Variants in NANOS3 observed in about 807,000 individuals in gnomAD.
NANOS3 encodes nanos C2HC-type zinc finger 3, also known as nanos homolog 3.
NANOS3 carries 11 observed loss-of-function variants against 13.8 expected under a neutral mutation model. The ratio of observed to expected loss-of-function variants is 0.80; its 90% confidence interval spans 0.50 to 1.32. NANOS3 has a LOEUF of 1.32. NANOS3 is among the 40% of genes most tolerant of loss of function. NANOS3 has a pLI of 0.00. For missense variants in NANOS3, 221 were observed against 263.8 expected (o/e 0.84, Z 1.12); for synonymous variants, 119 against 115.4 (o/e 1.03, Z -0.20).
chr19:13,874,437 G>A (rs769817111), upstream of NANOS3, among the ~76,000 whole-genome samples: 4 of 152,154 alleles, frequency 2.6e-5, no homozygotes, highest in Non-Finnish European at 4.4e-5. Flanking sequence ...TGCACCTCCA[G>A]GATCACTTTG....
Position 13,877,247 on chromosome 19 carries a change from C to T in NANOS3, c.-2C>T, listed in dbSNP as rs761028174. The T allele has an allele frequency of 1.2e-6, 2 of 1,602,782 alleles. No homozygotes were observed. The highest frequency in any genetic ancestry group is 1.7e-5 in the Admixed American group (1 of 59,608). ...CTTCCGCCTGGCACATGCTGCCCAG[C>T]TATGGGGACCTTTGACCTGTGGACA... On this transcript the variant is annotated 5_prime_UTR_variant, in exon 1 of 2. Transcript: ENST00000339133.
At chr19:13,871,586 C>G (rs1976328088) in intron 1 of NANOS3, among the ~76,000 whole-genome samples, 1 of 152,180 alleles carries the variant, frequency 6.6e-6, no homozygotes, top group Non-Finnish European at 1.5e-5. Context: ...CCAAAGCCCT[C>G]AGAGGGAGGA....
Position 13,870,560 on chromosome 19 carries a change from C to CTTT in NANOS3, n.21+5146_21+5148dup, listed in dbSNP as rs34524831. On this transcript the variant is annotated intron_variant and non_coding_transcript_variant, in intron 1 of 2. Coordinates refer to the NANOS3 transcript ENST00000591161. The stretch of plus-strand genomic sequence containing the variant: ...GGGGCAAGGCCCTGGGATAGCGTGG[C>CTTT]TTTTTTTTTTTTTTTTTTTTTTTTT... 5.1e-3 allele frequency among the ~76,000 whole-genome samples: 364 copies of CTTT among 71,644 alleles called. 6 individuals carry two copies. Among genetic ancestry groups the CTTT allele is most frequent in the African/African-American group, 6.9e-3 (107 of 15,426 alleles). The allele number at this position is 71,644 out of a possible 152,430, so 47.0% of individuals were successfully genotyped here.
intron 1 of NANOS3, 117 bp downstream of exon 1, chr19:13,877,882 C>T: frequency 1.4e-6 from 2 of 1,423,750 alleles, no homozygotes; most frequent in Non-Finnish European, 1.8e-6. Context: ...TTAGAGAGAG[C>T]TTAGAACAGC....
chr19:13,864,624 G>T (rs1314130283), upstream of NANOS3, among the ~76,000 whole-genome samples: 1 of 152,088 alleles, frequency 6.6e-6, no homozygotes, highest in Admixed American at 6.6e-5. Context: ...TACTGTGTGT[G>T]TATGTTGGGG....
chr19:13,871,423 A>T (rs1231371132), intron 1 of NANOS3, among the ~76,000 whole-genome samples: 2 of 152,176 alleles, frequency 1.3e-5, no homozygotes, highest in Admixed American at 6.5e-5. Flanking sequence ...GGCAAAGAAG[A>T]GAGATAGTCA....
At chr19:13,867,849 G>GT (rs1219520567) in intron 1 of NANOS3, among the ~76,000 whole-genome samples, 15 of 152,034 alleles carry the variant, frequency 9.9e-5, no homozygotes, top group Non-Finnish European at 4.4e-5. Flanking sequence ...CACGAACCCA[G>GT]TGGCCATATG....
At chr19:13,872,161 A>G (rs1264591325), upstream of NANOS3, among the ~76,000 whole-genome samples, 1 of 152,188 alleles carries the variant, frequency 6.6e-6, no homozygotes, top group Non-Finnish European at 1.5e-5. Context: ...CCTGGCCAAC[A>G]TAGTGAAACC....
chr19:13,865,187 G>C (rs1306426363), upstream of NANOS3, among the ~76,000 whole-genome samples: 2 of 150,648 alleles, frequency 1.3e-5, no homozygotes, highest in Non-Finnish European at 3.0e-5. Flanking sequence ...AGGAGGGAGG[G>C]GGCGGCGGCA....
chr19:13,871,406 G>T lies in NANOS3; in HGVS notation n.21+5969G>T, dbSNP rs75355912. 4.4e-3 allele frequency among the ~76,000 whole-genome samples: 672 copies of T among 152,274 alleles called. 4 individuals are homozygous for T. The highest frequency in any genetic ancestry group is 0.015 in the African/African-American group (639 of 41,546). On this transcript the variant is annotated intron_variant and non_coding_transcript_variant, in intron 1 of 2. Transcript: ENST00000591161. ...ACACTGAGGGCCAGAAGCCTGCACG[G>T]ACCACAGGCAAAGAAGAGAGATAGT...
upstream of NANOS3, among the ~76,000 whole-genome samples, chr19:13,877,047 T>C (rs1040866937): frequency 6.6e-6 from 1 of 152,144 alleles, no homozygotes; most frequent in Non-Finnish European, 1.5e-5. Flanking sequence ...CAGGCCCCCC[T>C]GTGACAATAA....
intron 1 of NANOS3, among the ~76,000 whole-genome samples, chr19:13,870,929 C>T (rs895995025): frequency 3.3e-5 from 5 of 151,852 alleles, no homozygotes; most frequent in African/African-American, 2.4e-5. Context: ...TTATCCCCAG[C>T]TCCCCTGCCC....
At chr19:13,877,091 A>G (rs1968527487), upstream of NANOS3, among the ~76,000 whole-genome samples, 1 of 151,490 alleles carries the variant, frequency 6.6e-6, no homozygotes, top group African/African-American at 2.4e-5. Flanking sequence ...CCCTCTTCAC[A>G]CCCCCTTGGA....
chr19:13,877,907 A>C, intron 1 of NANOS3, 142 bp downstream of exon 1: 1 of 1,402,664 alleles, frequency 7.1e-7, no homozygotes, highest in Non-Finnish European at 9.3e-7. Context: ...GATTTTATTT[A>C]CGTATTTATT....
chr19:13,873,264 T>C (rs1025242804), upstream of NANOS3, among the ~76,000 whole-genome samples: 1 of 38,926 alleles, frequency 2.6e-5, no homozygotes, highest in African/African-American at 1.1e-4. Context: ...CTCCAGACTG[T>C]GGGTGGGGCT....
chr19:13,877,702 G>A lies in NANOS3; in HGVS notation c.454G>A (p.Val152Ile). The change falls in exon 1 of 2, where the codon GTC (valine) becomes ATC (isoleucine). Residue 152 changes from valine to isoleucine, a missense_variant. Val to Ile is a conservative substitution (Grantham distance 29). Transcript: ENST00000339133. ...TTRNSAGKKL[V>I]RPDKAKTQDT... Reference sequence around the variant, plus strand: ...CCGAAACTCGGCAGGCAAGAAGCTGGTCCGGCCTGACAAGGCGAAGACACA... The same window carrying A: ...CCGAAACTCGGCAGGCAAGAAGCTGATCCGGCCTGACAAGGCGAAGACACA... The A allele has an allele frequency of 1.2e-6, 2 of 1,608,240 alleles. No individual in the cohort carries two copies. The highest frequency in any genetic ancestry group is 1.7e-6 in the Non-Finnish European group (2 of 1,178,318).
chr19:13,866,402 T>C (rs1244499871), intron 1 of NANOS3, among the ~76,000 whole-genome samples: 1 of 151,830 alleles, frequency 6.6e-6, no homozygotes, highest in African/African-American at 2.4e-5. Context: ...CACAGATGCA[T>C]TAAGCCAGCC....
upstream of NANOS3, among the ~76,000 whole-genome samples, chr19:13,863,872 G>C (rs1976192244): frequency 6.6e-6 from 1 of 152,052 alleles, no homozygotes; most frequent in African/African-American, 2.4e-5. Flanking sequence ...AGGAGAAACT[G>C]AGGCAGGACT....
At chr19:13,870,636 C>G (rs530601786) in intron 1 of NANOS3, among the ~76,000 whole-genome samples, 1 of 140,340 alleles carries the variant, frequency 7.1e-6, no homozygotes, top group Non-Finnish European at 1.5e-5. Context: ...GGCTCAATCT[C>G]GGCTCACTGC....
Sources: allele counts gnomAD v4.1 joint callset (sites outside exome capture counted in the v4.1 genomes callset), GRCh38; gene constraint gnomAD v4.1.1; transcripts MANE v1.5; gene names NCBI Gene and HGNC (gene_info 2026-07-23, HGNC 2026-07-21).